Variants in STK33 observed in about 807,000 individuals in gnomAD.
STK33 encodes the protein serine/threonine kinase 33.
STK33 carries 52 observed loss-of-function variants against 58.0 expected under a neutral mutation model. That is an observed-to-expected ratio of 0.90 (90% CI 0.72 to 1.13). STK33 has a LOEUF of 1.13. STK33 is among the 50% of genes most tolerant of loss of function. STK33 has a pLI of 0.00. For missense variants in STK33, 630 were observed against 604.2 expected, an observed-to-expected ratio of 1.04 and a Z score of -0.45; for synonymous variants, 215 against 200.1, an observed-to-expected ratio of 1.07 and a Z score of -0.63.
At position 8,503,397 on chromosome 11, in the gene STK33, A is replaced by G. The variant is rs375614561; in HGVS notation, c.-465-22783T>C. 3.2e-4 allele frequency among the ~76,000 whole-genome samples: 49 copies of G among 152,300 alleles called. No homozygotes were observed. The East Asian group carries it at 7.9e-3, about 25-fold the overall frequency. On this transcript the variant is annotated intron_variant, in intron 1 of 15. Transcript: ENST00000687296. Reference sequence around the variant, plus strand: ...AACCAAACACGGCATGTTCTCACTTATAAGTGGGAGCTAAACACTGAGTAC... The same window carrying G: ...AACCAAACACGGCATGTTCTCACTTGTAAGTGGGAGCTAAACACTGAGTAC...
intron 9 of STK33, among the ~76,000 whole-genome samples, chr11:8,456,238 C>T (rs1277800305): frequency 6.6e-6 from 1 of 152,132 alleles, no homozygotes; most frequent in Non-Finnish European, 1.5e-5. Flanking sequence ...GCCTAGAAAG[C>T]CTGCCTTTTT....
intron 1 of STK33, among the ~76,000 whole-genome samples, chr11:8,506,447 GA>G (rs924402993): frequency 6.6e-6 from 1 of 152,154 alleles, no homozygotes; most frequent in Non-Finnish European, 1.5e-5. Flanking sequence ...CTGTAAGTTA[GA>G]AATCTAACAG....
chr11:8,437,282 A>G (rs1944194167), intron 12 of STK33, among the ~76,000 whole-genome samples: 1 of 152,212 alleles, frequency 6.6e-6, no homozygotes, highest in Non-Finnish European at 1.5e-5. Context: ...AAGCCTGTAA[A>G]GCTATTACTT....
At chr11:8,568,459 T>C (rs1261515475) in intron 1 of STK33, among the ~76,000 whole-genome samples, 1 of 152,176 alleles carries the variant, frequency 6.6e-6, no homozygotes, top group East Asian at 1.9e-4. Flanking sequence ...TACCACAGTA[T>C]GGTCAGACAA....
intron 1 of STK33, among the ~76,000 whole-genome samples, chr11:8,560,274 G>T (rs1957032112): frequency 6.6e-6 from 1 of 151,962 alleles, no homozygotes; most frequent in African/African-American, 2.4e-5. Flanking sequence ...AGATATTTTT[G>T]AACTTTTTCA....
chr11:8,545,032 G>T (rs1010232463), intron 1 of STK33, among the ~76,000 whole-genome samples: 2 of 152,174 alleles, frequency 1.3e-5, no homozygotes, highest in African/African-American at 4.8e-5. Flanking sequence ...TGTTTATTCA[G>T]AGAGAAGTGA....
At chr11:8,454,599 T>C (rs1200537222) in intron 10 of STK33, 145 bp downstream of exon 10, 2 of 945,108 alleles carry the variant, frequency 2.1e-6, no homozygotes, top group Non-Finnish European at 1.5e-6. Flanking sequence ...TTACAACCTC[T>C]TGTGAAATTT....
chr11:8,458,772 C>G (rs763622064), intron 8 of STK33, among the ~76,000 whole-genome samples: 11 of 152,092 alleles, frequency 7.2e-5, no homozygotes, highest in Non-Finnish European at 1.2e-4. Flanking sequence ...CACAGGGTAC[C>G]CTTTATGTCT....
At chr11:8,396,634 G>C (rs557550925) in intron 15 of STK33, among the ~76,000 whole-genome samples, 1 of 152,146 alleles carries the variant, frequency 6.6e-6, no homozygotes, top group South Asian at 2.1e-4. Context: ...TGGGTGCAGC[G>C]CACCGAACGT....
intron 1 of STK33, among the ~76,000 whole-genome samples, chr11:8,489,277 AAAAAAAG>A (rs1388323757): frequency 3.3e-5 from 5 of 150,888 alleles, no homozygotes; most frequent in African/African-American, 1.2e-4. Flanking sequence ...AAAAAGAAAA[AAAAAAAG>A]AAAGAAAAGA....
intron 1 of STK33, among the ~76,000 whole-genome samples, chr11:8,524,972 T>C (rs1310758642): frequency 6.6e-6 from 1 of 152,162 alleles, no homozygotes; most frequent in Non-Finnish European, 1.5e-5. Context: ...TATTAAGTTG[T>C]ACATATTAAA....
chr11:8,487,441 AAGAG>A lies in STK33; in HGVS notation c.-465-6831_-465-6828del, dbSNP rs796952542. ...AGTCTCAAAAAAAAAAAAAAAAAAA[AAGAG>A]AGAGAGAGAGAAAGAGAGTTACTTC... On this transcript the variant is annotated intron_variant, in intron 1 of 15. Coordinates refer to ENST00000687296, the MANE Select transcript of STK33 (RefSeq NM_001352389.2). 2.9e-4 allele frequency among the ~76,000 whole-genome samples: 35 copies of A among 120,824 alleles called. No individual in the cohort carries two copies. The East Asian group carries it at 6.6e-3, about 23-fold the overall frequency. 79.3% of individuals were successfully genotyped at this position (120,824 alleles called of 152,430 possible). A position where few individuals can be genotyped will look rare whatever the true frequency, so the allele number is the denominator to read the frequency against.
chr11:8,375,952 C>T, the STK33 span, among the ~76,000 whole-genome samples: 1 of 152,152 alleles, frequency 6.6e-6, no homozygotes, highest in African/African-American at 2.4e-5. Flanking sequence ...TACAAGGAGT[C>T]CTAGCCAGGA....
At chr11:8,499,069 G>A (rs7940529) in intron 1 of STK33, among the ~76,000 whole-genome samples, 40,271 of 151,960 alleles carry the variant, frequency 0.27, 5,514 homozygotes, top group African/African-American at 0.33. Context: ...AACAAAAGCC[G>A]AAATTGACAA....
At chr11:8,584,150 T>C (rs1375523634) in intron 1 of STK33, among the ~76,000 whole-genome samples, 1 of 148,104 alleles carries the variant, frequency 6.8e-6, no homozygotes, top group Non-Finnish European at 1.5e-5. Context: ...AGCTAGTAAA[T>C]GGTAGGGCCA....
At chr11:8,368,244 G>C in the STK33 span, among the ~76,000 whole-genome samples, 2 of 152,186 alleles carry the variant, frequency 1.3e-5, no homozygotes, top group African/African-American at 2.4e-5. Context: ...TGGGAAATGG[G>C]AGACCCTAAT....
intron 15 of STK33, among the ~76,000 whole-genome samples, chr11:8,412,877 A>T (rs964464750): frequency 6.6e-6 from 1 of 152,236 alleles, no homozygotes; most frequent in Non-Finnish European, 1.5e-5. Context: ...ACAATCTAGA[A>T]CTAATCAAAA....
intron 6 of STK33, among the ~76,000 whole-genome samples, chr11:8,472,104 AT>A (rs1046451431): frequency 6.6e-6 from 1 of 151,994 alleles, no homozygotes; most frequent in African/African-American, 2.4e-5. Context: ...TTTTTTAAAA[AT>A]TTTTTTAGAG....
At chr11:8,336,422 G>T in the STK33 span, among the ~76,000 whole-genome samples, 1 of 152,252 alleles carries the variant, frequency 6.6e-6, no homozygotes, top group Non-Finnish European at 1.5e-5. Flanking sequence ...TGCCATTCAC[G>T]GGGAGATGGA....
Sources: allele counts gnomAD v4.1 joint callset (sites outside exome capture counted in the v4.1 genomes callset), GRCh38; gene constraint gnomAD v4.1.1; transcripts MANE v1.5; gene names NCBI Gene and HGNC (gene_info 2026-07-23, HGNC 2026-07-21).